CAMKMT: variants seen among roughly 807,000 people sequenced by gnomAD.
CAMKMT encodes calmodulin-lysine N-methyltransferase, also known as CaM KMT.
In CAMKMT, 53 loss-of-function variants were observed where a neutral mutation model predicts 48.0. That is an observed-to-expected ratio of 1.10 (90% CI 0.89 to 1.39). CAMKMT has a LOEUF of 1.39. CAMKMT is among the 40% of genes most tolerant of loss of function. The probability of loss-of-function intolerance (pLI) is 0.00; values close to 1 mark genes in which losing one functional copy is unlikely to be tolerated. For synonymous variants in CAMKMT, 165 were observed against 152.3 expected, an observed-to-expected ratio of 1.08 and a Z score of -0.61; for missense variants, 428 against 402.7, an observed-to-expected ratio of 1.06 and a Z score of -0.54.
chr2:44,665,394 C>T (rs371970030), intron 3 of CAMKMT, among the ~76,000 whole-genome samples: 2 of 152,132 alleles, frequency 1.3e-5, no homozygotes, highest in East Asian at 3.9e-4. Flanking sequence ...AACGTGCAGC[C>T]ATGGGCTGAG....
At chr2:44,669,996 A>G (rs181595464) in intron 3 of CAMKMT, among the ~76,000 whole-genome samples, 1 of 152,270 alleles carries the variant, frequency 6.6e-6, no homozygotes, top group Non-Finnish European at 1.5e-5. Flanking sequence ...CAATGATTAT[A>G]GGCTTTCATG....
At chr2:44,377,049 C>T (rs1291788326) in intron 2 of CAMKMT, among the ~76,000 whole-genome samples, 1 of 152,184 alleles carries the variant, frequency 6.6e-6, no homozygotes, top group African/African-American at 2.4e-5. Context: ...CTCTGTTGCC[C>T]AGGCTGGTAT....
chr2:44,630,527 A>G (rs1572955307), intron 3 of CAMKMT, among the ~76,000 whole-genome samples: 1 of 150,850 alleles, frequency 6.6e-6, no homozygotes, highest in Admixed American at 6.6e-5. Flanking sequence ...CAGAATCTAC[A>G]ATGAACTCAA....
intron 1 of CAMKMT, among the ~76,000 whole-genome samples, chr2:44,372,104 T>C (rs1679234891): frequency 6.6e-6 from 1 of 152,222 alleles, no homozygotes; most frequent in South Asian, 2.1e-4. Context: ...TCTTCTTGGT[T>C]CTTTCTTTTA....
intron 3 of CAMKMT, among the ~76,000 whole-genome samples, chr2:44,474,812 T>G (rs1668603156): frequency 6.6e-6 from 1 of 152,176 alleles, no homozygotes; most frequent in African/African-American, 2.4e-5. Context: ...ATGGAAACCC[T>G]CTATGCTGCA....
intron 3 of CAMKMT, among the ~76,000 whole-genome samples, chr2:44,601,534 G>C (rs1420177667): frequency 6.6e-6 from 1 of 151,828 alleles, no homozygotes; most frequent in Non-Finnish European, 1.5e-5. Context: ...GAAACCTAAA[G>C]AGGTCGCTAG....
intron 3 of CAMKMT, among the ~76,000 whole-genome samples, chr2:44,529,520 G>A (rs1017230884): frequency 3.9e-5 from 6 of 152,218 alleles, no homozygotes; most frequent in Admixed American, 2.6e-4. Flanking sequence ...GATACTCTAA[G>A]GAATGAATAC....
chr2:44,721,152 T>C (rs1403193931), intron 7 of CAMKMT, among the ~76,000 whole-genome samples: 1 of 152,182 alleles, frequency 6.6e-6, no homozygotes, highest in Non-Finnish European at 1.5e-5. Flanking sequence ...TCTTGTATAA[T>C]TTTATTGGAT....
At chr2:44,579,918 T>G (rs1441898692) in intron 3 of CAMKMT, among the ~76,000 whole-genome samples, 1 of 152,200 alleles carries the variant, frequency 6.6e-6, no homozygotes, top group Non-Finnish European at 1.5e-5. Context: ...GGAAAGCCTT[T>G]CATTTGGAAT....
At chr2:44,712,695 T>A (rs1207208566) in intron 6 of CAMKMT, among the ~76,000 whole-genome samples, 2 of 152,080 alleles carry the variant, frequency 1.3e-5, no homozygotes, top group Admixed American at 1.3e-4. Context: ...TTGCACCCAG[T>A]CCCTCCCACT....
chr2:44,478,989 G>C, intron 3 of CAMKMT, among the ~76,000 whole-genome samples: 1 of 152,150 alleles, frequency 6.6e-6, no homozygotes, highest in Non-Finnish European at 1.5e-5. Flanking sequence ...GTGAGCCACC[G>C]CGCCCGGCAA....
chr2:44,429,181 C>T (rs1209054487), intron 3 of CAMKMT, among the ~76,000 whole-genome samples: 1 of 151,994 alleles, frequency 6.6e-6, no homozygotes, highest in African/African-American at 2.4e-5. Context: ...ACTGACATCC[C>T]TACCCTACAA....
chr2:44,556,448 T>G (rs1291689789), intron 3 of CAMKMT, among the ~76,000 whole-genome samples: 1 of 102,182 alleles, frequency 9.8e-6, no homozygotes, highest in African/African-American at 3.9e-5. Context: ...CAATTTTTCT[T>G]TCTTTTTTTT....
intron 3 of CAMKMT, among the ~76,000 whole-genome samples, chr2:44,654,278 A>G (rs964557788): frequency 1.3e-5 from 2 of 152,152 alleles, no homozygotes; most frequent in African/African-American, 4.8e-5. Flanking sequence ...GAATTATATA[A>G]TTCATGAACC....
chr2:44,689,264 TTTTA>T (rs148599125), intron 3 of CAMKMT, among the ~76,000 whole-genome samples: 4,320 of 136,224 alleles, frequency 0.032, 141 homozygotes, highest in African/African-American at 0.088. Flanking sequence ...CAGCACTATT[TTTTA>T]TTTATTTATT....
At chr2:44,603,129 C>T (rs1671094503) in intron 3 of CAMKMT, among the ~76,000 whole-genome samples, 1 of 152,016 alleles carries the variant, frequency 6.6e-6, no homozygotes, top group African/African-American at 2.4e-5. Flanking sequence ...TGCTTTGTCA[C>T]CCAGGCTGGA....
intron 3 of CAMKMT, among the ~76,000 whole-genome samples, chr2:44,519,397 C>T (rs576004844): frequency 3.3e-5 from 5 of 152,060 alleles, no homozygotes; most frequent in Admixed American, 6.5e-5. Flanking sequence ...AACAAGTTTC[C>T]AGGTCATAAT....
intron 7 of CAMKMT, among the ~76,000 whole-genome samples, chr2:44,729,049 A>T (rs1390282309): frequency 6.6e-6 from 1 of 151,638 alleles, no homozygotes; most frequent in Non-Finnish European, 1.5e-5. Flanking sequence ...TTTCAGTAGT[A>T]CCGGAGAGAG....
chr2:44,627,944 C>G (rs1013876433), intron 3 of CAMKMT, among the ~76,000 whole-genome samples: 1 of 151,902 alleles, frequency 6.6e-6, no homozygotes, highest in Non-Finnish European at 1.5e-5. Flanking sequence ...AGGTGATCCA[C>G]CCACCTTCTC....
Sources: gnomAD v4.1 joint callset for allele counts (sites outside exome capture counted in the v4.1 genomes callset) on GRCh38, gnomAD v4.1.1 for gene constraint, MANE v1.5 for transcripts, NCBI Gene and HGNC (gene_info 2026-07-23, HGNC 2026-07-21) for gene names.